The following XKR4 variants were observed in gnomAD, a reference collection of about 807,000 sequenced individuals.
XKR4 encodes the protein XK related 4.
Under a neutral mutation model 53.9 loss-of-function variants are expected in XKR4, and 12 were observed. The ratio of observed to expected loss-of-function variants is 0.22; its 90% CI spans 0.14 to 0.36. The LOEUF is 0.36. XKR4 is among the 10% of genes least tolerant of loss of function. The pLI is 1.00. For missense variants in XKR4, 799 were observed against 859.5 expected (o/e 0.93, Z 0.88); for synonymous variants, 354 against 362.4 (o/e 0.98, Z 0.26).
chr8:55,418,154 G>C (rs1804876241), intron 2 of XKR4, among the ~76,000 whole-genome samples: 1 of 152,112 alleles, frequency 6.6e-6, no homozygotes, highest in South Asian at 2.1e-4. Flanking sequence ...TTAAGGCAAG[G>C]GGGTGAGACT....
chr8:55,343,002 G>A (rs1803580053), intron 1 of XKR4, among the ~76,000 whole-genome samples: 1 of 152,192 alleles, frequency 6.6e-6, no homozygotes, highest in South Asian at 2.1e-4. Context: ...AGTCAAAGGA[G>A]ACTTTCCTTT....
intron 2 of XKR4, among the ~76,000 whole-genome samples, chr8:55,368,540 T>C (rs1251361686): frequency 6.6e-6 from 1 of 152,136 alleles, no homozygotes; most frequent in Non-Finnish European, 1.5e-5. Context: ...CCCTTTCCAA[T>C]CAGGATGGGG....
At chr8:55,242,597 G>A (rs1004464495) in intron 1 of XKR4, among the ~76,000 whole-genome samples, 1 of 152,192 alleles carries the variant, frequency 6.6e-6, no homozygotes, top group Non-Finnish European at 1.5e-5. Context: ...AATAATTGAT[G>A]AGATGCCATT....
chr8:55,437,921 T>A (rs1412385491), intron 2 of XKR4, among the ~76,000 whole-genome samples: 3 of 149,634 alleles, frequency 2.0e-5, no homozygotes, highest in Non-Finnish European at 3.0e-5. Context: ...TTCAAGGGAG[T>A]TAGGGCCTGT....
intron 2 of XKR4, chr8:55,451,943 A>T: frequency 1.3e-6 from 1 of 773,134 alleles, no homozygotes; most frequent in Non-Finnish European, 2.3e-6. Flanking sequence ...GGCTGGCTCC[A>T]GTGCTCCTAG....
intron 1 of XKR4, among the ~76,000 whole-genome samples, chr8:55,331,493 A>G (rs545531423): frequency 9.2e-5 from 14 of 151,924 alleles, no homozygotes; most frequent in Non-Finnish European, 1.6e-4. Context: ...CAAATCTTCT[A>G]TTTCCTTGTT....
At position 55,400,312 on chromosome 8, in the gene XKR4, CT is replaced by C. The variant is rs200233539; in HGVS notation, c.1006+42436del. Among the ~76,000 whole-genome samples, 1,131 of 152,044 alleles carry C rather than the reference CT, an allele frequency of 7.4e-3. 8 individuals carry two copies. The highest frequency in any genetic ancestry group is 0.017 in the Middle Eastern group (5 of 294). ...AGACTCCCCATCCCCTAGAAATGTT[CT>C]GCCAAAATATTGTCTCTCTCTGAGA... On this transcript the variant is annotated intron_variant, in intron 2 of 2. Coordinates refer to ENST00000327381, the MANE Select transcript of XKR4 (RefSeq NM_052898.2).
chr8:55,429,455 A>G (rs1805068363), intron 2 of XKR4, among the ~76,000 whole-genome samples: 1 of 152,300 alleles, frequency 6.6e-6, no homozygotes, highest in Admixed American at 6.5e-5. Flanking sequence ...CATGCCTGTA[A>G]TCCCAGAACT....
chr8:55,350,739 T>C (rs1270063392), intron 1 of XKR4, among the ~76,000 whole-genome samples: 1 of 91,400 alleles, frequency 1.1e-5, no homozygotes, highest in African/African-American at 4.0e-5. Flanking sequence ...TTTTCTTTTC[T>C]TTTTTTTTTT....
At position 55,164,727 on chromosome 8, in the gene XKR4, A is replaced by T. The variant is rs527976708; in HGVS notation, c.806+61433A>T. The T allele has an allele frequency of 2.8e-4, 71 of 254,884 alleles. 1 individual carries two copies. Among genetic ancestry groups the T allele is most frequent in the Admixed American group, 1.7e-3 (36 of 20,896 alleles). 15.8% of individuals were successfully genotyped at this position (254,884 alleles called of 1,614,324 possible). On this transcript the variant is annotated intron_variant, in intron 1 of 2. Coordinates refer to ENST00000327381, the MANE Select transcript of XKR4 (RefSeq NM_052898.2). ...CAAACCCATGTATAATAATACCATT[A>T]CCAATTGTTTTCTTATTTTATGTTT...
At chr8:55,112,562 GTTT>G (rs761779642) in intron 1 of XKR4, among the ~76,000 whole-genome samples, 7 of 77,212 alleles carry the variant, frequency 9.1e-5, no homozygotes, top group African/African-American at 2.6e-4. Context: ...TACTTTTCAG[GTTT>G]TTTTTTTTTT....
chr8:55,357,856 C>T lies in XKR4; in HGVS notation c.985C>T (p.His329Tyr). ...GCAGCTCTGCATTATCGTACAGACT[C>T]ATAGCTTACAGGCCCTCCAAGGTAA... ...VLQLCIIVQTHSLQALQGFTA... is the reference protein window; with the variant it reads ...VLQLCIIVQTYSLQALQGFTA... The change falls in exon 2 of 3, where the codon CAT becomes TAT. Residue 329 changes from histidine to tyrosine, a missense_variant. His to Tyr is a moderately conservative substitution (Grantham distance 83). This residue lies in a region of XKR4 where 476 missense variants were observed against 505.4 expected (regional missense o/e 0.94). Transcript: ENST00000327381. 1 of 1,613,386 alleles carries T rather than the reference C, an allele frequency of 6.2e-7. No homozygotes were observed. The highest frequency in any genetic ancestry group is 1.1e-5 in the South Asian group (1 of 91,040).
chr8:55,139,340 C>T (rs956118609), intron 1 of XKR4, among the ~76,000 whole-genome samples: 24 of 152,094 alleles, frequency 1.6e-4, no homozygotes, highest in Admixed American at 7.8e-4. Flanking sequence ...TCAAGACCAG[C>T]CTGGCCAACA....
chr8:55,349,660 A>G (rs917209967), intron 1 of XKR4, among the ~76,000 whole-genome samples: 4 of 152,234 alleles, frequency 2.6e-5, no homozygotes, highest in African/African-American at 9.6e-5. Flanking sequence ...TAATAAATAC[A>G]AGAGGCTAAT....
chr8:55,320,622 T>C (rs1047777419), intron 1 of XKR4, among the ~76,000 whole-genome samples: 14 of 152,232 alleles, frequency 9.2e-5, no homozygotes, highest in Non-Finnish European at 2.1e-4. Context: ...CCTCAGATCC[T>C]AACATGATTT....
intron 2 of XKR4, among the ~76,000 whole-genome samples, chr8:55,442,887 C>G (rs1263744060): frequency 6.6e-6 from 1 of 151,954 alleles, no homozygotes; most frequent in Non-Finnish European, 1.5e-5. Flanking sequence ...TGAAAATGTT[C>G]TGGAATTTGG....
intron 2 of XKR4, among the ~76,000 whole-genome samples, chr8:55,504,301 C>A (rs747967311): frequency 2.6e-5 from 4 of 152,032 alleles, no homozygotes; most frequent in Non-Finnish European, 4.4e-5. Flanking sequence ...CAACCTCCAC[C>A]TCCCTGGCTC....
At chr8:55,372,840 T>A (rs1258196347) in intron 2 of XKR4, among the ~76,000 whole-genome samples, 1 of 152,206 alleles carries the variant, frequency 6.6e-6, no homozygotes, top group African/African-American at 2.4e-5. Context: ...AAACAGCTTT[T>A]TTCCCCCCAG....
intron 1 of XKR4, among the ~76,000 whole-genome samples, chr8:55,282,199 G>A (rs1818853437): frequency 6.6e-6 from 1 of 152,192 alleles, no homozygotes; most frequent in South Asian, 2.1e-4. Flanking sequence ...ATTTGACTAC[G>A]GACCTCATAT....
Sources: allele counts gnomAD v4.1 joint callset (sites outside exome capture counted in the v4.1 genomes callset), GRCh38; gene constraint gnomAD v4.1.1; regional missense constraint gnomAD v4.1.1; transcripts MANE v1.5; gene names NCBI Gene and HGNC (gene_info 2026-07-23, HGNC 2026-07-21).